ZNF134: variants seen among roughly 807,000 people sequenced by gnomAD.
ZNF134 encodes the protein zinc finger protein 134, also known as zinc finger protein 134 (clone pHZ-15).
In ZNF134, 5 loss-of-function variants were observed where a neutral mutation model predicts 2.5. The observed-to-expected ratio is 2.03, with a 90% confidence interval of 1.06 to 4.27. ZNF134 has a LOEUF of 4.27. ZNF134 is among the 30% of genes most tolerant of loss of function. ZNF134 has a pLI of 0.00. For synonymous variants in ZNF134, 176 were observed against 176.2 expected (o/e 1.00, Z 0.01); for missense variants, 540 against 517.5 (o/e 1.04, Z -0.42).
At position 57,621,925 on chromosome 19, in the gene ZNF134, A is replaced by G; in HGVS notation, c.*522A>G. On this transcript the variant is annotated 3_prime_UTR_variant, in exon 3 of 3. Coordinates refer to ENST00000396161, the MANE Select transcript of ZNF134 (RefSeq NM_003435.5). ...ATAAAGGCTTTACAGTTTAAGCCACATTTAATCTTGGGGCTTCTTCTTATG... is the reference window on the plus strand; with the variant it reads ...ATAAAGGCTTTACAGTTTAAGCCACGTTTAATCTTGGGGCTTCTTCTTATG... The G allele has an allele frequency of 4.5e-6, 1 of 222,680 alleles. No homozygotes were observed. The highest frequency in any genetic ancestry group is 6.9e-5 in the South Asian group (1 of 14,490). 13.8% of individuals were successfully genotyped at this position (222,680 alleles called of 1,614,324 possible). A position where few individuals can be genotyped will look rare whatever the true frequency, so the allele number is the denominator to read the frequency against.
Position 57,614,422 on chromosome 19 carries a change from TCCCGCGACCTGGGACC to T in ZNF134, c.-135_-120del, listed in dbSNP as rs1980992466. 2.2e-6 allele frequency: 1 copy of T among 447,426 alleles called. No individual in the cohort carries two copies. The highest frequency in any genetic ancestry group is 2.4e-5 in the Admixed American group (1 of 41,968). 27.7% of individuals were successfully genotyped at this position (447,426 alleles called of 1,614,324 possible). On this transcript the variant is annotated 5_prime_UTR_variant, in exon 1 of 3. Transcript: ENST00000396161. Reference sequence around the variant, plus strand: ...GGGACGGACGACCGCGGTGCCAGGGTCCCGCGACCTGGGACCCCCTCGCGGCTCCGGGTGGTCTACG... The same window carrying T: ...GGGACGGACGACCGCGGTGCCAGGGTCCCTCGCGGCTCCGGGTGGTCTACG...
At chr19:57,619,770 T>C (rs1222348389) in intron 2 of ZNF134, 1 of 562,666 alleles carries the variant, frequency 1.8e-6, no homozygotes, top group African/African-American at 1.9e-5. Flanking sequence ...TACACTATTG[T>C]GTCATAAGAT....
chr19:57,621,388 T>C lies in ZNF134; in HGVS notation c.1269T>C (p.Thr423=). Residue 423 remains threonine (T), a synonymous_variant, in exon 3 of 3, where the codon ACT becomes ACC. Transcript: ENST00000396161. ...TCAATCGGCACCAGAAAGTTCACAC[T>C]GCAGGCAGGCTTTAGGAGTGCTTTG... ...SHLNRHQKVH[T]AGRL is the part of the protein sequence containing the mutation. 1 of 1,613,690 alleles carries C rather than the reference T, an allele frequency of 6.2e-7. No homozygotes were observed. Among genetic ancestry groups the C allele is most frequent in the South Asian group, 1.1e-5 (1 of 91,082 alleles).
chr19:57,621,866 A>AAG lies in ZNF134; in HGVS notation c.*464_*465dup. 3.4e-6 allele frequency: 1 copy of AAG among 294,648 alleles called. No individual in the cohort carries two copies. 18.3% of individuals were successfully genotyped at this position (294,648 alleles called of 1,614,324 possible). A position where few individuals can be genotyped will look rare whatever the true frequency, so the allele number is the denominator to read the frequency against. ...AGCCTCCAAGTCACCTGGCCTGGGAAAGTACTTGCCTCATGTTGCTCTGGT... is the reference window on the plus strand; with the variant it reads ...AGCCTCCAAGTCACCTGGCCTGGGAAAGAGTACTTGCCTCATGTTGCTCTGGT... On this transcript the variant is annotated 3_prime_UTR_variant, in exon 3 of 3. Transcript: ENST00000396161.
intron 2 of ZNF134, among the ~76,000 whole-genome samples, chr19:57,619,836 C>T (rs758491719): frequency 6.6e-6 from 1 of 152,210 alleles, no homozygotes; most frequent in South Asian, 2.1e-4. Context: ...ATCACATTTT[C>T]CTGGGCCTGT....
Position 57,620,407 on chromosome 19 carries a change from C to A in ZNF134, c.288C>A (p.Tyr96Ter), listed in dbSNP as rs2122129142. The change falls in exon 3 of 3, where the codon TAC becomes TAA. Residue 96 changes from tyrosine to a stop codon, truncating the protein, a stop_gained. Transcript: ENST00000396161. LOFTEE classifies it low-confidence loss of function (END_TRUNC). ...GGTTCAGTGCAAACCTTCATCAGTA[C>A]CAGAAGTGTTACAGTATAGAGCAAC... Reference protein sequence around the residue: ...QFWFSANLHQYQKCYSIEQPL... With the variant: ...QFWFSANLHQ 6.2e-7 allele frequency: 1 copy of A among 1,614,100 alleles called. No individual in the cohort carries two copies.
Position 57,621,155 on chromosome 19 carries a change from T to C in ZNF134, c.1036T>C (p.Cys346Arg). 6.2e-7 allele frequency: 1 copy of C among 1,614,242 alleles called. No homozygotes were observed. The highest frequency in any genetic ancestry group is 8.5e-7 in the Non-Finnish European group (1 of 1,180,036). Reference protein sequence around the residue: ...RIHTESKPFECIECGKFFSRS... With the variant: ...RIHTESKPFERIECGKFFSRS... ...TCACACTGAGTCAAAGCCGTTTGAG[T>C]GCATTGAATGCGGGAAATTCTTTAG... The change falls in exon 3 of 3, where the codon TGC (cysteine) becomes CGC (arginine). Residue 346 changes from cysteine (C) to arginine (R), a missense_variant. Cys to Arg is a radical substitution (Grantham distance 180, BLOSUM62 -3). Transcript: ENST00000396161.
intron 1 of ZNF134, among the ~76,000 whole-genome samples, chr19:57,616,584 A>G (rs1981057993): frequency 6.6e-6 from 1 of 152,202 alleles, no homozygotes; most frequent in African/African-American, 2.4e-5. Context: ...GCTGGTCTTT[A>G]TGTTCACACA....
chr19:57,619,374 G>A, intron 1 of ZNF134, 38 bp from the exon 2 acceptor site: 1 of 1,496,864 alleles, frequency 6.7e-7, no homozygotes, highest in Non-Finnish European at 9.1e-7. Context: ...AGTGCTCTCA[G>A]CCTGTTTCAC....
chr19:57,615,665 G>A (rs1343473904), intron 1 of ZNF134, among the ~76,000 whole-genome samples: 1 of 152,186 alleles, frequency 6.6e-6, no homozygotes, highest in Non-Finnish European at 1.5e-5. Context: ...ACTCCCCCAT[G>A]GGCTGGGGTC....
At chr19:57,619,703 G>A (rs1006022976) in intron 2 of ZNF134, 195 bp downstream of exon 2, 18 of 630,024 alleles carry the variant, frequency 2.9e-5, no homozygotes, top group Non-Finnish European at 4.6e-5. Flanking sequence ...CTCTACCAGA[G>A]GGGCTCTAGT....
At chr19:57,618,948 C>G (rs1981123323) in intron 1 of ZNF134, 1 of 158,374 alleles carries the variant, frequency 6.3e-6, no homozygotes, top group Non-Finnish European at 1.4e-5. Flanking sequence ...GTTGCTCTTT[C>G]CTTTCCATAG....
Position 57,621,334 on chromosome 19 carries a change from TG to T in ZNF134, c.1218del (p.Lys407ArgfsTer5), listed in dbSNP as rs1337013783. The T allele has an allele frequency of 3.7e-6, 6 of 1,614,168 alleles. No homozygotes were observed. Among genetic ancestry groups the T allele is most frequent in the Non-Finnish European group, 5.1e-6 (6 of 1,180,030 alleles). ...GERPYECSEC[G>X]KAYSLSSHLN... ...AAAGGCCATATGAGTGCAGTGAATG[TG>T]GGAAGGCCTACAGCTTAAGCTCCCA... On this transcript the variant is annotated frameshift_variant, in exon 3 of 3. Coordinates refer to ENST00000396161, the MANE Select transcript of ZNF134 (RefSeq NM_003435.5). LOFTEE classifies it low-confidence loss of function (END_TRUNC).
rs779112401 is a variant in ZNF134 at position 57,620,952 on chromosome 19, A to T, written c.833A>T (p.His278Leu). The change falls in exon 3 of 3, where the codon CAC (histidine) becomes CTC (leucine). Residue 278 changes from histidine to leucine, a missense_variant. His to Leu is a moderately conservative substitution (Grantham distance 99). Coordinates refer to ENST00000396161, the MANE Select transcript of ZNF134 (RefSeq NM_003435.5). Reference protein sequence around the residue: ...YFSHHSNLIVHQRVHNGARPY... With the variant: ...YFSHHSNLIVLQRVHNGARPY... ...AGCCATCACTCCAATCTAATTGTACACCAGAGAGTTCACAATGGAGCAAGG... is the reference window on the plus strand; with the variant it reads ...AGCCATCACTCCAATCTAATTGTACTCCAGAGAGTTCACAATGGAGCAAGG... 1.9e-6 allele frequency: 3 copies of T among 1,614,248 alleles called. No homozygotes were observed.
Position 57,620,979 on chromosome 19 carries a change from C to A in ZNF134, c.860C>A (p.Pro287His), listed in dbSNP as rs1482078042. 3.1e-6 allele frequency: 5 copies of A among 1,614,004 alleles called. No homozygotes were observed. The highest frequency in any genetic ancestry group is 4.2e-6 in the Non-Finnish European group (5 of 1,180,046). ...CAGAGAGTTCACAATGGAGCAAGGCCTTATAAGTGCAGTGATTGTGGGAAA... is the reference window on the plus strand; with the variant it reads ...CAGAGAGTTCACAATGGAGCAAGGCATTATAAGTGCAGTGATTGTGGGAAA... ...VHQRVHNGAR[P>H]YKCSDCGKVF... Residue 287 changes from proline to histidine, a missense_variant, in exon 3 of 3, where the codon CCT (proline) becomes CAT (histidine). By Grantham distance (77) the Pro-to-His change is moderately conservative. Transcript: ENST00000396161.
At position 57,621,469 on chromosome 19, in the gene ZNF134, C is replaced by T; in HGVS notation, c.*66C>T. Reference sequence around the variant, plus strand: ...AATTTCATGTATCTGAACATTGACACAAAGGAGATACCTTATGGTGCCAGG... The same window carrying T: ...AATTTCATGTATCTGAACATTGACATAAAGGAGATACCTTATGGTGCCAGG... On this transcript the variant is annotated 3_prime_UTR_variant, in exon 3 of 3. Coordinates refer to ENST00000396161, the MANE Select transcript of ZNF134 (RefSeq NM_003435.5). 6.3e-7 allele frequency: 1 copy of T among 1,598,790 alleles called. No individual in the cohort carries two copies. Among genetic ancestry groups the T allele is most frequent in the Non-Finnish European group, 8.5e-7 (1 of 1,175,990 alleles).
rs905816348 is a variant in ZNF134, at chr19:57,623,092, C to T, written c.*1689C>T. 2 of 152,112 alleles carry T rather than the reference C, an allele frequency of 1.3e-5. No homozygotes were observed. The highest frequency in any genetic ancestry group is 2.1e-4 in the South Asian group (1 of 4,816). 9.4% of individuals were successfully genotyped at this position (152,112 alleles called of 1,614,324 possible). The stretch of plus-strand genomic sequence containing the variant: ...CTTTCTCTCAGTGCTCGCCTTCCCC[C>T]AGAATCCCTAGGCAACCACTGAGTA... On this transcript the variant is annotated 3_prime_UTR_variant, in exon 3 of 3. Transcript: ENST00000396161.
At position 57,620,387 on chromosome 19, in the gene ZNF134, A is replaced by C; in HGVS notation, c.268A>C (p.Ser90Arg). ...CGACGRQFWFSANLHQYQKCY... is the reference protein window; with the variant it reads ...CGACGRQFWFRANLHQYQKCY... Reference sequence around the variant, plus strand: ...GGCATGTGGGAGACAATTCTGGTTCAGTGCAAACCTTCATCAGTACCAGAA... The same window carrying C: ...GGCATGTGGGAGACAATTCTGGTTCCGTGCAAACCTTCATCAGTACCAGAA... Residue 90 changes from serine to arginine, a missense_variant, in exon 3 of 3, where the codon AGT becomes CGT. Coordinates refer to ENST00000396161, the MANE Select transcript of ZNF134 (RefSeq NM_003435.5). 26 of 1,614,252 alleles carry C rather than the reference A, an allele frequency of 1.6e-5. No individual in the cohort carries two copies. The Middle Eastern group carries it at 8.2e-4, about 51-fold the overall frequency.
At chr19:57,619,872 T>C (rs1471435336) in intron 2 of ZNF134, among the ~76,000 whole-genome samples, 2 of 152,236 alleles carry the variant, frequency 1.3e-5, no homozygotes, top group Non-Finnish European at 2.9e-5. Context: ...AGGAGTCACC[T>C]GTCACCCACA....
Sources: allele counts gnomAD v4.1 joint callset (sites outside exome capture counted in the v4.1 genomes callset), GRCh38; gene constraint gnomAD v4.1.1; transcripts MANE v1.5; gene names NCBI Gene and HGNC (gene_info 2026-07-23, HGNC 2026-07-21).